MEF2C: variants seen among roughly 807,000 people sequenced by gnomAD.
MEF2C encodes myocyte enhancer factor 2C, also known as myocyte-specific enhancer factor 2C.
MEF2C carries 6 observed loss-of-function variants against 50.5 expected under a neutral mutation model. The observed-to-expected ratio is 0.12, with a 90% confidence interval of 0.07 to 0.23. The LOEUF (loss-of-function observed/expected upper bound fraction) is 0.23. Among genes scored for constraint, MEF2C ranks in the 10% least tolerant of loss-of-function variants. MEF2C has a pLI of 1.00. For missense variants in MEF2C, 276 were observed against 605.0 expected (o/e 0.46, Z 5.70); for synonymous variants, 183 against 228.0 (o/e 0.80, Z 1.78).
intron 3 of MEF2C, 150 bp from the exon 4 acceptor site, chr5:88,761,478 C>A: frequency 1.0e-6 from 1 of 956,350 alleles, no homozygotes; most frequent in South Asian, 1.9e-5. Context: ...AAAGCTGAGT[C>A]ATTTCAATCG....
At chr5:88,875,637 G>A (rs1375471441) in intron 1 of MEF2C, among the ~76,000 whole-genome samples, 12 of 151,936 alleles carry the variant, frequency 7.9e-5, no homozygotes, top group African/African-American at 2.9e-4. Flanking sequence ...GAAACATACT[G>A]AATCCACTTT....
At chr5:88,819,302 A>G in intron 2 of MEF2C, 2 of 974,016 alleles carry the variant, frequency 2.1e-6, no homozygotes, top group Non-Finnish European at 2.4e-6. Context: ...CGTGTTGAAT[A>G]TGAGAGATCC....
chr5:88,830,895 C>T (rs943143350), intron 1 of MEF2C, among the ~76,000 whole-genome samples: 3 of 152,082 alleles, frequency 2.0e-5, no homozygotes, highest in Admixed American at 1.3e-4. Context: ...GCACATGCAG[C>T]TGGATTTTTG....
At position 88,731,895 on chromosome 5, in the gene MEF2C, C is replaced by T; in HGVS notation, c.644G>A (p.Gly215Glu). Residue 215 changes from glycine to glutamate, a missense_variant, in exon 7 of 11, where the codon GGG becomes GAG. Physicochemically the swap from Gly to Glu is moderately conservative, Grantham distance 98. Coordinates refer to ENST00000504921, the MANE Select transcript of MEF2C (RefSeq NM_002397.5). ...TGGTGAGTTTCGGGGATTGCCATAC[C>T]CGTTCCCTGTTAACAAAAAACAATA... ...TSGAGTSAGNGYGNPRNSPGL... is the reference protein window; with the variant it reads ...TSGAGTSAGNEYGNPRNSPGL... 1.2e-6 allele frequency: 2 copies of T among 1,607,848 alleles called. No homozygotes were observed. The highest frequency in any genetic ancestry group is 1.7e-6 in the Non-Finnish European group (2 of 1,176,358).
At chr5:88,839,729 G>A in intron 1 of MEF2C, 1 of 152,168 alleles carries the variant, frequency 6.6e-6, no homozygotes, top group African/African-American at 2.4e-5. Flanking sequence ...ACAATCCTGA[G>A]GATTCTAACT....
chr5:88,854,822 T>G (rs1411893668), intron 1 of MEF2C, among the ~76,000 whole-genome samples: 1 of 152,202 alleles, frequency 6.6e-6, no homozygotes, highest in African/African-American at 2.4e-5. Flanking sequence ...GAGAATCATG[T>G]TTACTGAAGT....
chr5:88,852,057 T>C (rs569382831), intron 1 of MEF2C, among the ~76,000 whole-genome samples: 4 of 152,304 alleles, frequency 2.6e-5, no homozygotes, highest in African/African-American at 7.2e-5. Flanking sequence ...TTGGCAGTCA[T>C]ATACATTCCT....
chr5:88,803,453 C>T (rs1799163177), intron 3 of MEF2C, among the ~76,000 whole-genome samples: 1 of 152,186 alleles, frequency 6.6e-6, no homozygotes, highest in Non-Finnish European at 1.5e-5. Context: ...ATTAGCACTA[C>T]ATTTTTTTAC....
intron 6 of MEF2C, chr5:88,735,174 C>T (rs1763584139): frequency 1.0e-6 from 1 of 985,238 alleles, no homozygotes; most frequent in Admixed American, 6.2e-5. Context: ...TGCATTTAAA[C>T]CGGCTGGGAA....
intron 1 of MEF2C, among the ~76,000 whole-genome samples, chr5:88,836,502 G>A (rs1815150472): frequency 6.6e-6 from 1 of 152,024 alleles, no homozygotes; most frequent in Non-Finnish European, 1.5e-5. Flanking sequence ...CACATGTTTG[G>A]AACTGAGGGG....
intron 10 of MEF2C, 64 bp downstream of exon 10, chr5:88,728,429 G>C: frequency 8.2e-7 from 1 of 1,226,488 alleles, no homozygotes; most frequent in East Asian, 2.9e-5. Context: ...CACATATTTA[G>C]AGACTGTCAT....
At chr5:88,731,583 A>T in intron 7 of MEF2C, 146 bp downstream of exon 7, 1 of 713,720 alleles carries the variant, frequency 1.4e-6, no homozygotes, top group Non-Finnish European at 2.3e-6. Context: ...AATAATAGCT[A>T]AATACAAGCA....
At position 88,890,283 on chromosome 5, in the gene MEF2C, C is replaced by T. The variant is rs574648448; in HGVS notation, c.-239-2685G>A. Among the ~76,000 whole-genome samples the T allele has an allele frequency of 8.5e-5, 13 of 152,284 alleles. No homozygotes were observed. In the South Asian group the frequency reaches 2.5e-3, roughly 29 times the overall value. ...GAAAACTTCCTTTCCCCTTGTACCC[C>T]CTTTATTTGTTAACACAGGGGAACG... On this transcript the variant is annotated intron_variant, in intron 1 of 11. Transcript: ENST00000340208.
intron 5 of MEF2C, among the ~76,000 whole-genome samples, chr5:88,750,821 T>C (rs945157185): frequency 3.0e-4 from 45 of 152,208 alleles, no homozygotes; most frequent in African/African-American, 1.1e-3. Context: ...AATACATGTT[T>C]GGTTTTAATT....
intron 3 of MEF2C, among the ~76,000 whole-genome samples, chr5:88,765,100 T>C (rs1423721649): frequency 6.6e-6 from 1 of 152,198 alleles, no homozygotes; most frequent in Non-Finnish European, 1.5e-5. Flanking sequence ...GTGGCTCATT[T>C]TCTCCCAATA....
At chr5:88,821,424 A>G (rs1008937006) in intron 2 of MEF2C, among the ~76,000 whole-genome samples, 1 of 150,906 alleles carries the variant, frequency 6.6e-6, no homozygotes, top group African/African-American at 2.4e-5. Flanking sequence ...CACCCAGTTA[A>G]TTTTTTTTTA....
intron 6 of MEF2C, chr5:88,740,020 T>C (rs2152401170): frequency 1.0e-6 from 1 of 985,340 alleles, no homozygotes; most frequent in Non-Finnish European, 1.2e-6. Context: ...TCAGTGCATT[T>C]TGTGGTATAT....
At chr5:88,742,377 CA>C in intron 6 of MEF2C, 3 of 984,818 alleles carry the variant, frequency 3.0e-6, no homozygotes, top group Non-Finnish European at 2.4e-6. Context: ...ACTAGTATTT[CA>C]GGGGGAAATA....
chr5:88,864,238 T>C (rs1826498477), intron 1 of MEF2C, among the ~76,000 whole-genome samples: 1 of 151,852 alleles, frequency 6.6e-6, no homozygotes, highest in South Asian at 2.1e-4. Flanking sequence ...GTGATAGTTA[T>C]GTTAATTAGC....
Sources: gnomAD v4.1 joint callset for allele counts (sites outside exome capture counted in the v4.1 genomes callset) on GRCh38, gnomAD v4.1.1 for gene constraint, MANE v1.5 for transcripts, NCBI Gene and HGNC (gene_info 2026-07-23, HGNC 2026-07-21) for gene names.